The following GEMIN5 variants were observed in gnomAD, a reference collection of about 807,000 sequenced individuals.
The protein encoded by GEMIN5 is gem-associated protein 5.
Under a neutral mutation model 176.9 loss-of-function variants are expected in GEMIN5, and 124 were observed. The ratio of observed to expected loss-of-function variants is 0.70; its 90% CI spans 0.61 to 0.81. GEMIN5 has a LOEUF of 0.81. Ranked by LOEUF, GEMIN5 falls within the 40% of genes least tolerant of loss-of-function variation. GEMIN5 has a pLI of 0.00. For missense variants in GEMIN5, 1,843 were observed against 1,814.6 expected (o/e 1.02, Z -0.28); for synonymous variants, 673 against 665.2 (o/e 1.01, Z -0.18).
Position 154,907,822 on chromosome 5 carries a change from C to T in GEMIN5, c.2168-4G>A. The T allele has an allele frequency of 6.2e-7, 1 of 1,601,720 alleles. No individual in the cohort carries two copies. The highest frequency in any genetic ancestry group is 8.5e-7 in the Non-Finnish European group (1 of 1,170,040). On this transcript the variant is annotated splice_region_variant and splice_polypyrimidine_tract_variant and intron_variant, in intron 15 of 27. Coordinates refer to ENST00000285873, the MANE Select transcript of GEMIN5 (RefSeq NM_015465.5). ...TCCAATTCAATACTTTTTTTGCCTA[C>T]AAGAATCACAATAAAGGACTGACTA...
intron 19 of GEMIN5, 118 bp from the exon 20 acceptor site, chr5:154,902,794 T>G: frequency 9.7e-7 from 1 of 1,027,452 alleles, no homozygotes; most frequent in Non-Finnish European, 1.5e-6. Context: ...AGTCATTCTC[T>G]GATGGGTGTC....
chr5:154,927,646 T>A, intron 6 of GEMIN5, 96 bp from the exon 7 acceptor site: 1 of 910,308 alleles, frequency 1.1e-6, no homozygotes, highest in Non-Finnish European at 1.7e-6. Flanking sequence ...GCAAAATGAT[T>A]TGTTGTCGTT....
chr5:154,914,309 C>T (rs1214496896), intron 13 of GEMIN5, among the ~76,000 whole-genome samples: 1 of 152,128 alleles, frequency 6.6e-6, no homozygotes, highest in Non-Finnish European at 1.5e-5. Flanking sequence ...GCGTGAGCCA[C>T]CACGCCCGGC....
In GEMIN5 at chr5:154,902,384, G is replaced by A. The variant is rs551042995; in HGVS notation, c.2866+155C>T. Among the ~76,000 whole-genome samples the A allele has an allele frequency of 6.6e-5, 10 of 152,146 alleles. No individual in the cohort carries two copies. The South Asian group carries it at 1.2e-3, about 19-fold the overall frequency. On this transcript the variant is annotated intron_variant, in intron 20 of 27. Transcript: ENST00000285873. ...GACCTGCTTTTTTTCAAAGGGGTTG[G>A]GTTGGATTTATTAGTTTGTCTATTG...
At chr5:154,903,002 C>T in intron 19 of GEMIN5, 78 bp downstream of exon 19, 1 of 930,398 alleles carries the variant, frequency 1.1e-6, no homozygotes, top group South Asian at 1.5e-5. Flanking sequence ...CACAGGATGA[C>T]AGCCATCAAA....
At chr5:154,900,704 C>T (rs1173387914) in intron 21 of GEMIN5, among the ~76,000 whole-genome samples, 1 of 152,156 alleles carries the variant, frequency 6.6e-6, no homozygotes, top group Non-Finnish European at 1.5e-5. Context: ...CTGGAGATCC[C>T]ATTGAGTCTT....
At chr5:154,893,236 C>T (rs991722174) in intron 24 of GEMIN5, among the ~76,000 whole-genome samples, 22 of 135,278 alleles carry the variant, frequency 1.6e-4, no homozygotes, top group East Asian at 4.3e-4. Context: ...GCGGATCACC[C>T]GAGGTGAAAG....
chr5:154,892,262 T>C (rs940365497), intron 25 of GEMIN5, 125 bp downstream of exon 25: 14 of 769,680 alleles, frequency 1.8e-5, no homozygotes, highest in Non-Finnish European at 2.7e-5. Flanking sequence ...CCAAACTTTC[T>C]ACTAAAATGA....
At position 154,937,976 on chromosome 5, in the gene GEMIN5, G is replaced by A. The variant is rs201862403; in HGVS notation, c.158C>T (p.Pro53Leu). Residue 53 changes from proline to leucine, a missense_variant, in exon 1 of 28, where the codon CCG (proline) becomes CTG (leucine). Transcript: ENST00000285873. Reference protein sequence around the residue: ...PGAGESPGTPPFRVIGELVGH... With the variant: ...PGAGESPGTPLFRVIGELVGH... ...CAAGGGTGGTGAGTTACCTCGAAAC[G>A]GGGGTGTCCCTGGACTCTCGCCTGC... The A allele has an allele frequency of 1.3e-6, 2 of 1,573,288 alleles. No individual in the cohort carries two copies. The highest frequency in any genetic ancestry group is 1.7e-6 in the Non-Finnish European group (2 of 1,162,030).
At chr5:154,904,484 G>A in intron 18 of GEMIN5, 23 bp downstream of exon 18, 1 of 1,609,246 alleles carries the variant, frequency 6.2e-7, no homozygotes, top group Non-Finnish European at 8.5e-7. Context: ...CTATGGATGG[G>A]CCAAGGAAGT....
At chr5:154,895,199 T>C (rs1045304220) in intron 24 of GEMIN5, among the ~76,000 whole-genome samples, 5 of 151,788 alleles carry the variant, frequency 3.3e-5, no homozygotes, top group Non-Finnish European at 7.4e-5. Flanking sequence ...TTCCCTCATT[T>C]TGAAATGAGG....
intron 27 of GEMIN5, among the ~76,000 whole-genome samples, chr5:154,889,021 C>A (rs1349442730): frequency 6.6e-6 from 1 of 152,064 alleles, no homozygotes; most frequent in Non-Finnish European, 1.5e-5. Flanking sequence ...GGACTACAGG[C>A]ACCTGCCCCC....
intron 8 of GEMIN5, 59 bp downstream of exon 8, chr5:154,925,803 A>G (rs1447697146): frequency 2.1e-6 from 2 of 962,814 alleles, no homozygotes. Flanking sequence ...GAACAGGCAT[A>G]AAAGAGAATT....
chr5:154,932,159 T>C lies in GEMIN5; in HGVS notation c.601A>G (p.Ile201Val), dbSNP rs1201641863. The C allele has an allele frequency of 3.7e-6, 6 of 1,613,258 alleles. No individual in the cohort carries two copies. Among genetic ancestry groups the C allele is most frequent in the South Asian group, 2.2e-5 (2 of 91,066 alleles). ...LRGHDDEIHS[I>V]AWCPLPGEDC... The stretch of plus-strand genomic sequence containing the variant: ...TCACCAGGCAGGGGACACCAGGCTA[T>C]GGAGTGGATTTCATCATCATGGCCT... Residue 201 changes from isoleucine (I) to valine (V), a missense_variant, in exon 4 of 28, where the codon ATA (isoleucine) becomes GTA (valine). Transcript: ENST00000285873.
At chr5:154,903,315 G>C (rs961552593) in intron 18 of GEMIN5, 140 bp from the exon 19 acceptor site, 1 of 612,310 alleles carries the variant, frequency 1.6e-6, no homozygotes. Flanking sequence ...GACTCCTGCA[G>C]TTACAAAGGG....
intron 22 of GEMIN5, 64 bp from the exon 23 acceptor site, chr5:154,898,714 G>T: frequency 7.8e-7 from 1 of 1,277,970 alleles, no homozygotes; most frequent in Non-Finnish European, 1.1e-6. Flanking sequence ...ATTCCTAGAG[G>T]ATGGAATCAT....
At chr5:154,919,928 G>T (rs569482391) in intron 11 of GEMIN5, 39 bp downstream of exon 11, 2 of 1,588,694 alleles carry the variant, frequency 1.3e-6, no homozygotes, top group African/African-American at 2.7e-5. Flanking sequence ...AGGGATCTGT[G>T]ATGTAAAAAG....
At position 154,913,020 on chromosome 5, in the gene GEMIN5, G is replaced by A; in HGVS notation, c.1874C>T (p.Pro625Leu). The change falls in exon 14 of 28, where the codon CCA (proline) becomes CTA (leucine). Residue 625 changes from proline to leucine, a missense_variant. By Grantham distance (98) the Pro-to-Leu change is moderately conservative (BLOSUM62 -3). Transcript: ENST00000285873. ...CCGGTAGGGCTCTGTAATGGTCACT[G>A]GAGACTCAGGGCTGCTCTCTAAAAG... The part of the protein sequence containing the change: ...KTVIESSPES[P>L]VTITEPYRTL... 2 of 1,613,164 alleles carry A rather than the reference G, an allele frequency of 1.2e-6. No homozygotes were observed. The highest frequency in any genetic ancestry group is 8.5e-7 in the Non-Finnish European group (1 of 1,179,452).
chr5:154,890,726 C>G (rs886858722), intron 26 of GEMIN5, among the ~76,000 whole-genome samples: 2 of 152,122 alleles, frequency 1.3e-5, no homozygotes, highest in Admixed American at 6.6e-5. Flanking sequence ...GCCTCAGCCT[C>G]CTAAGTAGCT....
Sources: allele counts gnomAD v4.1 joint callset (sites outside exome capture counted in the v4.1 genomes callset), GRCh38; gene constraint gnomAD v4.1.1; transcripts MANE v1.5; gene names NCBI Gene and HGNC (gene_info 2026-07-23, HGNC 2026-07-21).